SSBP2: variants seen among roughly 807,000 people sequenced by gnomAD.
SSBP2 encodes single stranded DNA binding protein 2.
Under a neutral mutation model 61.8 loss-of-function variants are expected in SSBP2, and 17 were observed. The ratio of observed to expected loss-of-function variants is 0.28; its 90% CI spans 0.19 to 0.41. The LOEUF (loss-of-function observed/expected upper bound fraction) is 0.41, where lower values mean the gene tolerates loss of function less well. Among genes scored for constraint, SSBP2 ranks in the 10% least tolerant of loss-of-function variants. The pLI is 1.00. For missense variants in SSBP2, 310 were observed against 458.7 expected (o/e 0.68, Z 2.96); for synonymous variants, 139 against 141.3 (o/e 0.98, Z 0.12).
At chr5:81,498,439 T>C (rs969578112) in intron 5 of SSBP2, among the ~76,000 whole-genome samples, 1 of 152,104 alleles carries the variant, frequency 6.6e-6, no homozygotes, top group Non-Finnish European at 1.5e-5. Flanking sequence ...TGAAACAGTG[T>C]TGAATTCTGT....
intron 2 of SSBP2, among the ~76,000 whole-genome samples, chr5:81,641,655 G>A (rs1450369623): frequency 6.6e-6 from 1 of 152,130 alleles, no homozygotes; most frequent in African/African-American, 2.4e-5. Flanking sequence ...TGCTCAAGAA[G>A]AGCCAAAATA....
At chr5:81,465,236 A>T (rs1764808679) in intron 9 of SSBP2, among the ~76,000 whole-genome samples, 1 of 151,996 alleles carries the variant, frequency 6.6e-6, no homozygotes, top group African/African-American at 2.4e-5. Context: ...TATTATATTA[A>T]TAGTAAAATA....
At chr5:81,731,260 A>T (rs1352857314) in intron 1 of SSBP2, among the ~76,000 whole-genome samples, 1 of 152,224 alleles carries the variant, frequency 6.6e-6, no homozygotes, top group African/African-American at 2.4e-5. Context: ...AAATATGTTA[A>T]CAGTTTACTA....
At chr5:81,522,455 T>C (rs1449455812) in intron 4 of SSBP2, among the ~76,000 whole-genome samples, 2 of 152,046 alleles carry the variant, frequency 1.3e-5, no homozygotes, top group African/African-American at 2.4e-5. Context: ...ATGAAAATGA[T>C]TGTTTACTCA....
chr5:81,473,415 A>AC (rs1765380972), intron 8 of SSBP2, among the ~76,000 whole-genome samples: 1 of 151,350 alleles, frequency 6.6e-6, no homozygotes, highest in Admixed American at 6.6e-5. Context: ...CTTGCCCTCC[A>AC]CCCTCCCGAC....
chr5:81,459,950 CT>C (rs1337541343), intron 10 of SSBP2, among the ~76,000 whole-genome samples: 1 of 152,194 alleles, frequency 6.6e-6, no homozygotes, highest in African/African-American at 2.4e-5. Flanking sequence ...CAACATCATT[CT>C]TTTCACTTCA....
chr5:81,612,527 C>T (rs1223007849), intron 4 of SSBP2, among the ~76,000 whole-genome samples: 1 of 151,898 alleles, frequency 6.6e-6, no homozygotes, highest in Non-Finnish European at 1.5e-5. Context: ...AACATTTTGG[C>T]CTATTTTAAA....
chr5:81,543,209 C>A (rs1162137357), intron 4 of SSBP2, among the ~76,000 whole-genome samples: 1 of 152,100 alleles, frequency 6.6e-6, no homozygotes, highest in Non-Finnish European at 1.5e-5. Flanking sequence ...ACTTCCCCTT[C>A]CACCACGATT....
chr5:81,580,690 C>T (rs1774572731), intron 4 of SSBP2, among the ~76,000 whole-genome samples: 1 of 148,810 alleles, frequency 6.7e-6, no homozygotes, highest in South Asian at 2.1e-4. Context: ...TGTTCAATGT[C>T]AAGGTACTTA....
chr5:81,456,879 C>G (rs1038305098), intron 10 of SSBP2, among the ~76,000 whole-genome samples: 13 of 152,154 alleles, frequency 8.5e-5, no homozygotes, highest in Admixed American at 8.5e-4. Flanking sequence ...AGGTTTCATA[C>G]TTTCAGAGAA....
chr5:81,449,840 C>T (rs954388352), intron 10 of SSBP2, among the ~76,000 whole-genome samples: 4 of 152,214 alleles, frequency 2.6e-5, no homozygotes, highest in Admixed American at 6.5e-5. Flanking sequence ...TCTGCTTGGT[C>T]TGCCTATGAG....
At chr5:81,734,903 G>T (rs926072586) in intron 1 of SSBP2, among the ~76,000 whole-genome samples, 1 of 145,750 alleles carries the variant, frequency 6.9e-6, no homozygotes, top group African/African-American at 2.6e-5. Flanking sequence ...CCCGGGAGGA[G>T]GAGCTTGCAG....
intron 1 of SSBP2, among the ~76,000 whole-genome samples, chr5:81,662,533 T>C (rs115668434): frequency 0.011 from 1,635 of 151,312 alleles, 27 homozygotes; most frequent in African/African-American, 0.03. Flanking sequence ...GCCGGGTGCA[T>C]TGGCTCACAC....
intron 4 of SSBP2, among the ~76,000 whole-genome samples, chr5:81,540,680 T>G (rs1277407816): frequency 1.3e-5 from 2 of 152,204 alleles, no homozygotes; most frequent in Admixed American, 6.5e-5. Context: ...TATTGCATGT[T>G]TAATAGAATA....
At chr5:81,645,797 G>T (rs993946099) in intron 2 of SSBP2, among the ~76,000 whole-genome samples, 1 of 151,426 alleles carries the variant, frequency 6.6e-6, no homozygotes, top group Non-Finnish European at 1.5e-5. Flanking sequence ...CCCCTTGGGA[G>T]TAAAAAAAAA....
intron 1 of SSBP2, among the ~76,000 whole-genome samples, chr5:81,684,810 T>C (rs1752652413): frequency 6.6e-6 from 1 of 152,194 alleles, no homozygotes; most frequent in Non-Finnish European, 1.5e-5. Flanking sequence ...GAGTTAATGC[T>C]GAATGAGTTA....
chr5:81,518,547 C>A (rs549590841), intron 4 of SSBP2, among the ~76,000 whole-genome samples: 2 of 152,098 alleles, frequency 1.3e-5, no homozygotes, highest in Non-Finnish European at 2.9e-5. Context: ...GACTTTCCTG[C>A]CTCCAGAACT....
intron 1 of SSBP2, among the ~76,000 whole-genome samples, chr5:81,744,478 T>C (rs1757224632): frequency 6.6e-6 from 1 of 152,194 alleles, no homozygotes; most frequent in African/African-American, 2.4e-5. Flanking sequence ...TTTCATCTAT[T>C]ATTCTTGCCT....
chr5:81,452,992 T>G (rs1454622834), intron 10 of SSBP2, among the ~76,000 whole-genome samples: 2 of 150,518 alleles, frequency 1.3e-5, no homozygotes, highest in African/African-American at 2.4e-5. Flanking sequence ...TAGAAAACAT[T>G]GCCAATTAAG....
Sources: gnomAD v4.1 joint callset for allele counts (sites outside exome capture counted in the v4.1 genomes callset) on GRCh38, gnomAD v4.1.1 for gene constraint, MANE v1.5 for transcripts, NCBI Gene and HGNC (gene_info 2026-07-23, HGNC 2026-07-21) for gene names.